Variants in PUS1 observed in about 807,000 individuals in gnomAD.
The protein encoded by PUS1 is pseudouridylate synthase 1 homolog.
PUS1 carries 25 observed loss-of-function variants against 38.5 expected under a neutral mutation model. The ratio of observed to expected loss-of-function variants is 0.65; its 90% CI spans 0.47 to 0.91. PUS1 has a LOEUF of 0.91. Ranked by LOEUF, PUS1 falls within the 40% of genes least tolerant of loss-of-function variation. The pLI, the probability that PUS1 is intolerant of heterozygous loss-of-function variation, is 0.00. For missense variants in PUS1, 597 were observed against 612.3 expected (o/e 0.97, Z 0.26); for synonymous variants, 282 against 260.4 (o/e 1.08, Z -0.80).
chr12:131,937,602 C>T (rs1009973070), intron 3 of PUS1, among the ~76,000 whole-genome samples: 6 of 152,210 alleles, frequency 3.9e-5, no homozygotes, highest in African/African-American at 1.2e-4. Context: ...TCTCGAACTC[C>T]CGACTTCAGG....
At chr12:131,932,826 C>A (rs755946210) in intron 3 of PUS1, 6 of 454,322 alleles carry the variant, frequency 1.3e-5, no homozygotes, top group South Asian at 9.3e-5. Flanking sequence ...CCTCAGCCTC[C>A]CGAGTAGGTG....
At chr12:131,931,832 T>G in intron 2 of PUS1, 1 of 472,098 alleles carries the variant, frequency 2.1e-6, no homozygotes, top group Non-Finnish European at 3.9e-6. Context: ...CACCTGGCCA[T>G]AGATTACTTT....
chr12:131,932,423 C>A, intron 3 of PUS1, 111 bp downstream of exon 3: 1 of 1,293,500 alleles, frequency 7.7e-7, no homozygotes, highest in Non-Finnish European at 1.1e-6. Context: ...TAATGATGTA[C>A]AAATCAAACT....
At chr12:131,942,902 G>A (rs943878773) in intron 5 of PUS1, among the ~76,000 whole-genome samples, 3 of 152,234 alleles carry the variant, frequency 2.0e-5, no homozygotes, top group East Asian at 1.9e-4. Context: ...CTGGCGAGCC[G>A]TCCTATAGAT....
chr12:131,939,125 G>A (rs889067808), intron 3 of PUS1, 48 bp from the exon 4 acceptor site: 4 of 1,239,420 alleles, frequency 3.2e-6, no homozygotes, highest in African/African-American at 3.0e-5. Context: ...ACCAGCGTGC[G>A]AGGCCCAAGG....
intron 5 of PUS1, among the ~76,000 whole-genome samples, chr12:131,942,474 T>C (rs1891121712): frequency 6.6e-6 from 1 of 152,120 alleles, no homozygotes; most frequent in Admixed American, 6.5e-5. Flanking sequence ...TGGCGCGATC[T>C]CGGCTCACTG....
intron 2 of PUS1, among the ~76,000 whole-genome samples, chr12:131,931,347 C>G (rs993047149): frequency 6.6e-6 from 1 of 151,880 alleles, no homozygotes; most frequent in African/African-American, 2.4e-5. Context: ...TTAGTAGAGA[C>G]GGGGTTTCAC....
Position 131,941,858 on chromosome 12 carries a change from G to A in PUS1, c.1111G>A (p.Glu371Lys), listed in dbSNP as rs779937264. 1.9e-6 allele frequency: 3 copies of A among 1,613,972 alleles called. No individual in the cohort carries two copies. In the South Asian group the frequency reaches 3.3e-5, roughly 18 times the overall value. Reference sequence around the variant, plus strand: ...AGGAAAGGTCGCAGCCTTCAAGGAGGAGCACATCTACCCCACCATCATCGG... The same window carrying A: ...AGGAAAGGTCGCAGCCTTCAAGGAGAAGCACATCTACCCCACCATCATCGG... ...EEGKVAAFKE[E>K]HIYPTIIGTE... The change falls in exon 5 of 6, where the codon GAG (glutamate) becomes AAG (lysine). Residue 371 changes from glutamate to lysine, a missense_variant. Glu to Lys is a moderately conservative substitution (Grantham distance 56). Coordinates refer to ENST00000376649, the MANE Select transcript of PUS1 (RefSeq NM_025215.6). The surrounding 1 kb of genome is among the most constrained non-coding windows in gnomAD (Gnocchi z 4.4).
intron 5 of PUS1, 133 bp downstream of exon 5, chr12:131,942,116 G>A: frequency 2.2e-6 from 2 of 891,702 alleles, no homozygotes; most frequent in Non-Finnish European, 3.5e-6. Context: ...AGGAGCAGGG[G>A]CAGGCGGTCT....
intron 2 of PUS1, 65 bp from the exon 3 acceptor site, chr12:131,932,110 C>T (rs754612604): frequency 4.1e-6 from 6 of 1,476,680 alleles, no homozygotes; most frequent in East Asian, 4.7e-5. Context: ...CGAGACCAGC[C>T]TGGGCAACAT....
At chr12:131,942,500 G>A (rs972643148) in intron 5 of PUS1, among the ~76,000 whole-genome samples, 2 of 152,018 alleles carry the variant, frequency 1.3e-5, no homozygotes, top group Non-Finnish European at 2.9e-5. Flanking sequence ...TCCGCCTCCC[G>A]GGTTCACGCC....
In PUS1 at chr12:131,943,530, CT is replaced by C; in HGVS notation, c.1237-7del. ...TGCCTCTTATTCTCCATGTGGTCTTCTTCTGCAGGTGCCCAGTCCCCTGGAA... is the reference window on the plus strand; with the variant it reads ...TGCCTCTTATTCTCCATGTGGTCTTCTCTGCAGGTGCCCAGTCCCCTGGAA... On this transcript the variant is annotated splice_region_variant and splice_polypyrimidine_tract_variant and intron_variant, in intron 5 of 5. Transcript: ENST00000376649. 6.2e-7 allele frequency: 1 copy of C among 1,612,724 alleles called. No individual in the cohort carries two copies.
chr12:131,944,896 C>T lies in PUS1; in HGVS notation c.*1310C>T, dbSNP rs7297736. The T allele has an allele frequency of 0.14, 21,087 of 152,314 alleles. 2,163 individuals are homozygous for T. The highest frequency in any genetic ancestry group is 0.29 in the African/African-American group (11,971 of 41,520). The allele number at this position is 152,314 out of a possible 1,614,324, so 9.4% of individuals were successfully genotyped here. ...CTGGGGAAGACTGCTTTTGAAGTGG[C>T]GCTTAGCGTGGAACAAAACACACTG... On this transcript the variant is annotated 3_prime_UTR_variant, in exon 6 of 6. Coordinates refer to ENST00000376649, the MANE Select transcript of PUS1 (RefSeq NM_025215.6).
In PUS1 at chr12:131,932,342, C is replaced by G. The variant is rs200217196; in HGVS notation, c.441+30C>G. The G allele has an allele frequency of 5.0e-6, 8 of 1,611,832 alleles. No individual in the cohort carries two copies. In the African/African-American group the frequency reaches 6.7e-5, roughly 13 times the overall value. On this transcript the variant is annotated intron_variant, in intron 3 of 5. Transcript: ENST00000376649. ...GTGGTGGCCTTCTCTGCCCCTCCCCCGCTGCTATGAGCAGCACGTGGCCCA... is the reference window on the plus strand; with the variant it reads ...GTGGTGGCCTTCTCTGCCCCTCCCCGGCTGCTATGAGCAGCACGTGGCCCA...
chr12:131,930,329 G>T (rs1890544763), intron 2 of PUS1, among the ~76,000 whole-genome samples, 194 bp downstream of exon 2: 1 of 152,202 alleles, frequency 6.6e-6, no homozygotes, highest in African/African-American at 2.4e-5. Flanking sequence ...CTTTCCATCA[G>T]GCCCGGCCCT....
intron 4 of PUS1, among the ~76,000 whole-genome samples, chr12:131,940,085 T>C (rs1454173282): frequency 6.6e-6 from 1 of 151,806 alleles, no homozygotes; most frequent in African/African-American, 2.4e-5. Context: ...GAGGCTGGAG[T>C]GCAGTGGTGT....
chr12:131,943,599 T>TGCCCACC lies in PUS1; in HGVS notation c.*14_*20dup. 1 of 1,611,714 alleles carries TGCCCACC rather than the reference T, an allele frequency of 6.2e-7. No homozygotes were observed. The highest frequency in any genetic ancestry group is 8.5e-7 in the Non-Finnish European group (1 of 1,178,408). ...AGACACTGACTGAGGCGATGGGAGC[T>TGCCCACC]GCCCACCAGAGTGCCTCTGAGCAGC... On this transcript the variant is annotated 3_prime_UTR_variant, in exon 6 of 6. Coordinates refer to ENST00000376649, the MANE Select transcript of PUS1 (RefSeq NM_025215.6).
intron 3 of PUS1, chr12:131,934,857 CAG>C (rs990057120): frequency 4.6e-5 from 7 of 152,256 alleles, no homozygotes; most frequent in Non-Finnish European, 1.0e-4. Context: ...AGGGGCCTAT[CAG>C]AGACATAACT....
intron 5 of PUS1, 78 bp downstream of exon 5, chr12:131,942,061 C>T (rs1182388459): frequency 1.5e-6 from 2 of 1,325,490 alleles, no homozygotes; most frequent in Non-Finnish European, 2.1e-6. Flanking sequence ...TGAGCTGAGG[C>T]ACAGAGAAGT....
Sources: gnomAD v4.1 joint callset for allele counts (sites outside exome capture counted in the v4.1 genomes callset) on GRCh38, gnomAD v4.1.1 for gene constraint, Gnocchi (gnomAD v3.1) non-coding constraint, MANE v1.5 for transcripts, NCBI Gene and HGNC (gene_info 2026-07-23, HGNC 2026-07-21) for gene names.